The following CARD18 variants were observed in gnomAD, a reference collection of about 807,000 sequenced individuals.
The protein encoded by CARD18 is caspase recruitment domain-containing protein 18.
A neutral mutation model predicts 7.9 loss-of-function variants in CARD18; 7 were observed. That is an observed-to-expected ratio of 0.88 (90% CI 0.50 to 1.66). The LOEUF is 1.66. Ranked by LOEUF, CARD18 falls within the 40% of genes most tolerant of loss-of-function variation. The pLI is 0.00. For synonymous variants in CARD18, 34 were observed against 34.8 expected, an observed-to-expected ratio of 0.98 and a Z score of 0.08; for missense variants, 134 against 105.5, an observed-to-expected ratio of 1.27 and a Z score of -1.18.
rs1865440517 is a variant in CARD18 at position 105,138,967 on chromosome 11, A to T, written c.119T>A (p.Met40Lys). The change falls in exon 2 of 3, where the codon ATG becomes AAG. Residue 40 changes from methionine (M) to lysine (K), a missense_variant. By Grantham distance (95) the Met-to-Lys change is moderately conservative (BLOSUM62 -1). Coordinates refer to ENST00000530950, the MANE Select transcript of CARD18 (RefSeq NM_021571.4). ...LEDEVISQED[M>K]NKVRDENDTV... is the part of the protein sequence containing the mutation. ...GTCATTTTCATCTCTCACTTTGTTC[A>T]TGTCTTCCTGGCTAATAACTTCATC... 6.2e-7 allele frequency: 1 copy of T among 1,613,720 alleles called. No individual in the cohort carries two copies. Among genetic ancestry groups the T allele is most frequent in the African/African-American group, 1.3e-5 (1 of 75,042 alleles).
intron 2 of CARD18, 30 bp downstream of exon 2, chr11:105,138,782 T>C (rs1394215409): frequency 1.9e-6 from 3 of 1,608,342 alleles, no homozygotes; most frequent in Non-Finnish European, 2.6e-6. Context: ...AGGGCCTATT[T>C]GGACATTAGG....
At position 105,139,746 on chromosome 11, in the gene CARD18, T is replaced by A. The variant is rs752183149; in HGVS notation, c.-20A>T. On this transcript the variant is annotated 5_prime_UTR_variant, in exon 1 of 3. Coordinates refer to ENST00000530950, the MANE Select transcript of CARD18 (RefSeq NM_021571.4). ...AGCCATGGCTCCTCACGTTGGCACT[T>A]GCAATGTGTGTTACACTTGCAATGA... 2 of 1,598,902 alleles carry A rather than the reference T, an allele frequency of 1.3e-6. No homozygotes were observed. The highest frequency in any genetic ancestry group is 1.7e-6 in the Non-Finnish European group (2 of 1,179,344).
rs750983915 is a variant in CARD18, at chr11:105,138,797, A to ATCAT, written c.*1+11_*1+14dup. The ATCAT allele has an allele frequency of 1.2e-5, 20 of 1,612,236 alleles. No homozygotes were observed. The African/African-American group carries it at 2.7e-4, about 22-fold the overall frequency. On this transcript the variant is annotated intron_variant, in intron 2 of 2. Coordinates refer to ENST00000530950, the MANE Select transcript of CARD18 (RefSeq NM_021571.4). ...AGGGCCTATTTGGACATTAGGTTGAATCATTCCACCTTACCTTAGTGCAAA... is the reference window on the plus strand; with the variant it reads ...AGGGCCTATTTGGACATTAGGTTGAATCATTCATTCCACCTTACCTTAGTGCAAA...
intron 1 of CARD18, 26 bp from the exon 2 acceptor site, chr11:105,139,104 A>C: frequency 6.3e-7 from 1 of 1,599,888 alleles, no homozygotes; most frequent in Non-Finnish European, 8.5e-7. Context: ...AGATTCCTCA[A>C]ATAATGAACA....
chr11:105,139,430 T>A, intron 1 of CARD18: 1 of 547,238 alleles, frequency 1.8e-6, no homozygotes, highest in Non-Finnish European at 3.2e-6. Context: ...CAGCTACTGA[T>A]ACCCATCCTG....
intron 1 of CARD18, 41 bp downstream of exon 1, chr11:105,139,679 A>T: frequency 6.3e-7 from 1 of 1,596,798 alleles, no homozygotes; most frequent in Non-Finnish European, 8.5e-7. Flanking sequence ...TCCCAAACTA[A>T]TTCCTCCCTA....
chr11:105,138,678 T>C, intron 2 of CARD18, 134 bp downstream of exon 2: 1 of 947,478 alleles, frequency 1.1e-6, no homozygotes, highest in Middle Eastern at 2.2e-4. Context: ...GCTAGAGCCA[T>C]GCATAAAGGA....
In CARD18 at chr11:105,139,079, C is replaced by A; in HGVS notation, c.8-1G>T. On this transcript the variant is annotated splice_acceptor_variant, in intron 1 of 2. Transcript: ENST00000530950. LOFTEE classifies it high-confidence loss of function. ...CTTCTCTTTTTACGCAAGAGTTGGT[C>A]TGTTGGAAGCACAAAGATTCCTCAA... The A allele has an allele frequency of 6.2e-7, 1 of 1,609,136 alleles. No individual in the cohort carries two copies. The highest frequency in any genetic ancestry group is 1.1e-5 in the South Asian group (1 of 90,450).
At chr11:105,138,648 C>G (rs566877046) in intron 2 of CARD18, among the ~76,000 whole-genome samples, 164 bp downstream of exon 2, 15 of 152,162 alleles carry the variant, frequency 9.9e-5, no homozygotes, top group African/African-American at 3.6e-4. Flanking sequence ...GACACAAAAA[C>G]GTAGACAGAA....
intron 2 of CARD18, 58 bp downstream of exon 2, chr11:105,138,754 T>A: frequency 6.4e-7 from 1 of 1,569,032 alleles, no homozygotes; most frequent in Non-Finnish European, 8.7e-7. Context: ...AAGAAAATCA[T>A]AACTGAATTC....
chr11:105,138,929 TA>T lies in CARD18; in HGVS notation c.156del (p.Asp52GlufsTer6), dbSNP rs1438774211. 1 of 1,613,802 alleles carries T rather than the reference TA, an allele frequency of 6.2e-7. No homozygotes were observed. Among genetic ancestry groups the T allele is most frequent in the Non-Finnish European group, 8.5e-7 (1 of 1,179,764 alleles). ...ACAAGGTCAATCAAGACTCGAGCCT[TA>T]TCCATGACAGTGTCATTTTCATCTC... ...KVRDENDTVM[D>X]KARVLIDLVT... On this transcript the variant is annotated frameshift_variant, in exon 2 of 3. Transcript: ENST00000530950. LOFTEE classifies it high-confidence loss of function.
intron 1 of CARD18, chr11:105,139,479 T>C: frequency 5.3e-6 from 3 of 568,344 alleles, no homozygotes; most frequent in South Asian, 4.8e-5. Context: ...TCTTCAAATG[T>C]GGACAACACT....
chr11:105,138,810 A>G lies in CARD18; in HGVS notation c.*1+2T>C, dbSNP rs531323406. ...ACATTAGGTTGAATCATTCCACCTT[A>G]CCTTAGTGCAAACCCATCTTTGAGG... On this transcript the variant is annotated splice_donor_variant, in intron 2 of 2. Transcript: ENST00000530950. LOFTEE classifies it low-confidence loss of function (3UTR_SPLICE). 3 of 1,613,354 alleles carry G rather than the reference A, an allele frequency of 1.9e-6. No individual in the cohort carries two copies. The African/African-American group carries it at 4.0e-5, about 22-fold the overall frequency.
rs1472330619 is a variant in CARD18 at position 105,137,910 on chromosome 11, G to C, written c.*190C>G. 6.6e-6 allele frequency: 1 copy of C among 152,126 alleles called. No individual in the cohort carries two copies. The highest frequency in any genetic ancestry group is 1.5e-5 in the Non-Finnish European group (1 of 68,014). 9.4% of individuals were successfully genotyped at this position (152,126 alleles called of 1,614,324 possible). A position where few individuals can be genotyped will look rare whatever the true frequency, so the allele number is the denominator to read the frequency against. On this transcript the variant is annotated 3_prime_UTR_variant, in exon 3 of 3. Coordinates refer to ENST00000530950, the MANE Select transcript of CARD18 (RefSeq NM_021571.4). ...ATTATTGATGAATTATCCTCTGTTG[G>C]TATGAGGAGAGAAAGAATAAGAAGA...
intron 1 of CARD18, 79 bp from the exon 2 acceptor site, chr11:105,139,157 T>C: frequency 6.8e-7 from 1 of 1,461,316 alleles, no homozygotes; most frequent in Non-Finnish European, 9.3e-7. Flanking sequence ...GTAACAATCA[T>C]TTAAACATTT....
At position 105,138,943 on chromosome 11, in the gene CARD18, T is replaced by A. The variant is rs1292039217; in HGVS notation, c.143A>T (p.Asp48Val). Residue 48 changes from aspartate (D) to valine (V), a missense_variant, in exon 2 of 3, where the codon GAC becomes GTC. Transcript: ENST00000530950. Reference protein sequence around the residue: ...EDMNKVRDENDTVMDKARVLI... With the variant: ...EDMNKVRDENVTVMDKARVLI... ...GACTCGAGCCTTATCCATGACAGTG[T>A]CATTTTCATCTCTCACTTTGTTCAT... The A allele has an allele frequency of 6.2e-7, 1 of 1,613,656 alleles. No homozygotes were observed. Among genetic ancestry groups the A allele is most frequent in the Non-Finnish European group, 8.5e-7 (1 of 1,179,760 alleles).
chr11:105,138,720 T>G, intron 2 of CARD18, 92 bp downstream of exon 2: 1 of 1,374,744 alleles, frequency 7.3e-7, no homozygotes, highest in South Asian at 1.3e-5. Context: ...ATAGGAACCC[T>G]ATTATCAACT....
intron 1 of CARD18, chr11:105,139,303 G>C (rs770587545): frequency 5.0e-5 from 28 of 564,464 alleles, no homozygotes; most frequent in Non-Finnish European, 7.7e-5. Context: ...ATTTTTCTGT[G>C]AATCTCCTAA....
At chr11:105,139,262 C>T in intron 1 of CARD18, 184 bp from the exon 2 acceptor site, 1 of 626,672 alleles carries the variant, frequency 1.6e-6, no homozygotes, top group Non-Finnish European at 2.7e-6. Context: ...TACATATGCT[C>T]ACTGAGTGAC....
Sources: allele counts gnomAD v4.1 joint callset (sites outside exome capture counted in the v4.1 genomes callset), GRCh38; gene constraint gnomAD v4.1.1; transcripts MANE v1.5; gene names NCBI Gene and HGNC (gene_info 2026-07-23, HGNC 2026-07-21).